OOSP1: variants seen among roughly 807,000 people sequenced by gnomAD.
OOSP1 encodes the protein putative oocyte-secreted protein 1 homolog.
A neutral mutation model predicts 5.7 loss-of-function variants in OOSP1; 11 were observed. The ratio of observed to expected loss-of-function variants is 1.94; its 90% confidence interval spans 1.22 to 3.20. The LOEUF (loss-of-function observed/expected upper bound fraction) is 3.20, where lower values mean the gene tolerates loss of function less well. Ranked by LOEUF, OOSP1 falls within the 30% of genes most tolerant of loss-of-function variation. The pLI, the probability that OOSP1 is intolerant of heterozygous loss-of-function variation, is 0.00. For synonymous variants in OOSP1, 44 were observed against 20.0 expected, an observed-to-expected ratio of 2.20 and a Z score of -3.20; for missense variants, 83 against 54.1, an observed-to-expected ratio of 1.53 and a Z score of -1.67.
chr11:59,954,630 TATC>T (rs1259675485), intron 4 of OOSP1, among the ~76,000 whole-genome samples: 9 of 13,070 alleles, frequency 6.9e-4, no homozygotes, highest in African/African-American at 2.8e-3. Context: ...GAAGGGACTT[TATC>T]TATCTATCTA....
chr11:59,957,250 T>C (rs1375887573), exon 5 of OOSP1: 14 of 397,922 alleles, frequency 3.5e-5, no homozygotes. Context: ...TCAAGAACAT[T>C]ACCAAGGCGA....
chr11:59,947,235 T>C (rs1293036413), intron 3 of OOSP1, among the ~76,000 whole-genome samples: 2 of 152,112 alleles, frequency 1.3e-5, no homozygotes, highest in African/African-American at 4.8e-5. Flanking sequence ...ACACTGTGCT[T>C]GTATGAATGT....
intron 4 of OOSP1, among the ~76,000 whole-genome samples, chr11:59,948,181 TAATA>T (rs1853906451): frequency 6.6e-6 from 1 of 152,184 alleles, no homozygotes; most frequent in Non-Finnish European, 1.5e-5. Context: ...TTCTGAATTG[TAATA>T]AATGAGTATT....
intron 4 of OOSP1, chr11:59,948,671 C>G (rs966312302): frequency 2.5e-6 from 1 of 397,310 alleles, no homozygotes; most frequent in African/African-American, 2.1e-5. Context: ...TACATTGGGA[C>G]GTATATTTTA....
intron 3 of OOSP1, among the ~76,000 whole-genome samples, chr11:59,946,032 G>A (rs761478618): frequency 7.9e-5 from 12 of 152,046 alleles, no homozygotes; most frequent in Non-Finnish European, 1.3e-4. Flanking sequence ...CCAAAGGGAT[G>A]GTGCTAAACT....
intron 1 of OOSP1, among the ~76,000 whole-genome samples, chr11:59,939,711 CCT>C (rs1292922538): frequency 2.0e-5 from 3 of 151,106 alleles, no homozygotes; most frequent in East Asian, 3.9e-4. Context: ...CTCTTCCCTT[CCT>C]CTTTCTCTTT....
intron 4 of OOSP1, among the ~76,000 whole-genome samples, chr11:59,956,170 C>G (rs1371755681): frequency 2.0e-5 from 3 of 151,804 alleles, no homozygotes; most frequent in Non-Finnish European, 4.4e-5. Context: ...TCCTTCCCTT[C>G]CTCTCCTCTC....
At chr11:59,939,679 G>A (rs1853805093) in intron 1 of OOSP1, among the ~76,000 whole-genome samples, 1 of 131,904 alleles carries the variant, frequency 7.6e-6, no homozygotes. Flanking sequence ...TTCTCTTCCT[G>A]TTCCCTCTTC....
chr11:59,941,406 G>A (rs1853823381), intron 1 of OOSP1, among the ~76,000 whole-genome samples: 1 of 151,318 alleles, frequency 6.6e-6, no homozygotes, highest in Non-Finnish European at 1.5e-5. Context: ...TTGAGACAGA[G>A]TCTAGCTTTG....
chr11:59,939,566 C>A (rs1310651660), intron 1 of OOSP1, among the ~76,000 whole-genome samples: 2 of 150,082 alleles, frequency 1.3e-5, no homozygotes, highest in Non-Finnish European at 3.0e-5. Context: ...TTTCTGTTTT[C>A]TTTTCTTTCT....
At chr11:59,951,226 A>G (rs1055029252) in intron 4 of OOSP1, among the ~76,000 whole-genome samples, 2 of 151,946 alleles carry the variant, frequency 1.3e-5, no homozygotes, top group African/African-American at 4.8e-5. Context: ...TACCTCCACA[A>G]TAACAGATCC....
intron 4 of OOSP1, chr11:59,948,704 A>G (rs948873261): frequency 5.0e-6 from 2 of 397,984 alleles, no homozygotes; most frequent in African/African-American, 2.1e-5. Context: ...CATTTTGGTA[A>G]GAATCTGACT....
At chr11:59,939,315 G>C (rs1004823635) in intron 1 of OOSP1, among the ~76,000 whole-genome samples, 66 of 150,266 alleles carry the variant, frequency 4.4e-4, no homozygotes, top group African/African-American at 1.6e-3. Flanking sequence ...GCAGTGGTAT[G>C]ATCTGGGCTC....
intron 1 of OOSP1, among the ~76,000 whole-genome samples, chr11:59,941,930 C>T (rs994939027): frequency 6.6e-6 from 1 of 152,072 alleles, no homozygotes; most frequent in African/African-American, 2.4e-5. Flanking sequence ...GTAGTAATAT[C>T]GTGATTTGAA....
chr11:59,952,549 C>T (rs146916359), intron 4 of OOSP1, among the ~76,000 whole-genome samples: 1,952 of 152,218 alleles, frequency 0.013, 28 homozygotes, highest in Admixed American at 0.049. Flanking sequence ...AAACTAAAAA[C>T]CCTCTGTTCT....
At chr11:59,942,898 C>T (rs945456156) in exon 2 of OOSP1, 35 of 702,760 alleles carry the variant, frequency 5.0e-5, no homozygotes, top group African/African-American at 4.9e-4. Context: ...ATTAAACCCA[C>T]GATATTTTAC....
intron 1 of OOSP1, among the ~76,000 whole-genome samples, chr11:59,942,145 AGCC>A (rs1438678779): frequency 1.3e-5 from 2 of 152,194 alleles, no homozygotes; most frequent in African/African-American, 4.8e-5. Flanking sequence ...CTAGAAGAAT[AGCC>A]AAACTTACTC....
intron 3 of OOSP1, among the ~76,000 whole-genome samples, chr11:59,946,297 C>A (rs1853883048): frequency 1.3e-5 from 2 of 152,206 alleles, no homozygotes; most frequent in Non-Finnish European, 2.9e-5. Flanking sequence ...ATCCCCAAAC[C>A]ATCACCCCCT....
chr11:59,949,511 A>AAAG (rs1160446483), intron 4 of OOSP1, among the ~76,000 whole-genome samples: 1 of 152,152 alleles, frequency 6.6e-6, no homozygotes, highest in Non-Finnish European at 1.5e-5. Flanking sequence ...ATTAAAAAAA[A>AAAG]AAGAATATGG....
Sources: gnomAD v4.1 joint callset for allele counts (sites outside exome capture counted in the v4.1 genomes callset) on GRCh38, gnomAD v4.1.1 for gene constraint, MANE v1.5 for transcripts, NCBI Gene and HGNC (gene_info 2026-07-23, HGNC 2026-07-21) for gene names.